ABCC6: variants seen among roughly 807,000 people sequenced by gnomAD.
ABCC6 encodes ATP-binding cassette sub-family C member 6.
In ABCC6, 126 loss-of-function variants were observed where a neutral mutation model predicts 169.5. The observed-to-expected ratio is 0.74, with a 90% confidence interval of 0.64 to 0.86. The LOEUF (loss-of-function observed/expected upper bound fraction) is 0.86, where lower values mean the gene tolerates loss of function less well. Among genes scored for constraint, ABCC6 ranks in the 40% least tolerant of loss-of-function variants. The pLI is 0.00. For synonymous variants in ABCC6, 752 were observed against 814.7 expected (o/e 0.92, Z 1.31); for missense variants, 1,733 against 1,927.2 (o/e 0.90, Z 1.89).
At chr16:16,170,037 G>A (rs2047008500) in intron 21 of ABCC6, among the ~76,000 whole-genome samples, 184 bp from the exon 22 acceptor site, 1 of 151,936 alleles carries the variant, frequency 6.6e-6, no homozygotes, top group South Asian at 2.1e-4. Flanking sequence ...GCCCCAGCCA[G>A]CCTTAGAACC....
At chr16:16,185,515 G>A (rs1342269464) in intron 14 of ABCC6, among the ~76,000 whole-genome samples, 1 of 152,156 alleles carries the variant, frequency 6.6e-6, no homozygotes, top group Non-Finnish European at 1.5e-5. Context: ...CCGGCACAGT[G>A]TCTCATGCCT....
At chr16:16,222,097 G>A (rs962170978) in intron 1 of ABCC6, among the ~76,000 whole-genome samples, 18 of 152,196 alleles carry the variant, frequency 1.2e-4, no homozygotes, top group Admixed American at 2.6e-4. Flanking sequence ...GAGTGGAAGG[G>A]CTGGGATTTG....
chr16:16,213,251 A>T (rs1045862591), intron 5 of ABCC6, among the ~76,000 whole-genome samples: 1 of 151,908 alleles, frequency 6.6e-6, no homozygotes, highest in Non-Finnish European at 1.5e-5. Flanking sequence ...GCACCACCAC[A>T]CTAGGCTATT....
chr16:16,156,726 TG>T (rs1174833581), intron 27 of ABCC6, among the ~76,000 whole-genome samples: 2 of 151,760 alleles, frequency 1.3e-5, no homozygotes, highest in Admixed American at 6.6e-5. Context: ...GGGGGGTGAT[TG>T]AGGTCAGAAG....
rs1467909377 is a variant in ABCC6 at position 16,171,965 on chromosome 16, T to C, written c.2787+1319A>G. ...TGGGATGGATAAATGAGTGGTTGGG[T>C]GGGTGGGATGGATAAATAAGTGGAT... On this transcript the variant is annotated intron_variant, in intron 21 of 30. Coordinates refer to ENST00000205557, the MANE Select transcript of ABCC6 (RefSeq NM_001171.6). 9.2e-3 allele frequency among the ~76,000 whole-genome samples: 372 copies of C among 40,378 alleles called. 13 individuals carry two copies. The highest frequency in any genetic ancestry group is 0.036 in the African/African-American group (354 of 9,826). 26.5% of individuals were successfully genotyped at this position (40,378 alleles called of 152,430 possible).
chr16:16,185,438 C>A (rs2047622194), intron 14 of ABCC6, among the ~76,000 whole-genome samples: 1 of 152,184 alleles, frequency 6.6e-6, no homozygotes, highest in South Asian at 2.1e-4. Context: ...TAGTGAATTT[C>A]TGAAATAAAT....
chr16:16,216,161 A>G (rs2048864761), intron 4 of ABCC6, among the ~76,000 whole-genome samples: 1 of 152,136 alleles, frequency 6.6e-6, no homozygotes, highest in South Asian at 2.1e-4. Context: ...ACCTCAGATG[A>G]TCCTCCTGCC....
At chr16:16,198,633 G>A (rs12934581) in intron 9 of ABCC6, among the ~76,000 whole-genome samples, 53,326 of 150,710 alleles carry the variant, frequency 0.35, 10,154 homozygotes, top group Admixed American at 0.43. Context: ...AGGATTGCTT[G>A]ATCCCAGGAG....
chr16:16,152,215 A>AAAAAAAAT (rs2046406534), intron 29 of ABCC6, among the ~76,000 whole-genome samples: 1 of 146,822 alleles, frequency 6.8e-6, no homozygotes, highest in African/African-American at 2.5e-5. Flanking sequence ...AAAAAAAAAA[A>AAAAAAAAT]GTGTGTAGGC....
At chr16:16,184,521 G>A (rs190867416) in intron 15 of ABCC6, among the ~76,000 whole-genome samples, 1 of 152,272 alleles carries the variant, frequency 6.6e-6, no homozygotes, top group East Asian at 1.9e-4. Context: ...GGGAGTTTCA[G>A]GGCTGTCTGA....
intron 20 of ABCC6, among the ~76,000 whole-genome samples, chr16:16,174,628 G>A (rs576384448): frequency 1.3e-5 from 2 of 151,756 alleles, no homozygotes; most frequent in South Asian, 4.2e-4. Context: ...CTGGTCACAT[G>A]TGCCTGTAGT....
intron 22 of ABCC6, 98 bp downstream of exon 22, chr16:16,169,548 G>C (rs2046989735): frequency 1.4e-6 from 2 of 1,404,792 alleles, no homozygotes; most frequent in African/African-American, 2.8e-5. Flanking sequence ...ACTGTTCCAG[G>C]GGGACAGGGT....
At chr16:16,181,921 A>G (rs2047488639) in intron 17 of ABCC6, 1 of 229,694 alleles carries the variant, frequency 4.4e-6, no homozygotes, top group African/African-American at 2.3e-5. Context: ...CAACAGAGCA[A>G]GACTCTGTCT....
chr16:16,165,008 A>G (rs920579245), intron 23 of ABCC6, among the ~76,000 whole-genome samples: 5 of 152,140 alleles, frequency 3.3e-5, no homozygotes, highest in Non-Finnish European at 7.3e-5. Context: ...CTAGCTTCAT[A>G]TAATAGCCTT....
intron 27 of ABCC6, among the ~76,000 whole-genome samples, chr16:16,157,361 A>C (rs1567468733): frequency 6.6e-6 from 1 of 152,156 alleles, no homozygotes; most frequent in East Asian, 1.9e-4. Flanking sequence ...AAACTGGAAA[A>C]TGTACCTGGA....
chr16:16,201,372 A>G (rs1033416004), intron 9 of ABCC6, among the ~76,000 whole-genome samples: 7 of 152,192 alleles, frequency 4.6e-5, no homozygotes, highest in African/African-American at 1.7e-4. Context: ...GTGGAAGTTA[A>G]AATCAGGCTC....
chr16:16,205,533 C>T (rs2048368484), intron 7 of ABCC6, among the ~76,000 whole-genome samples: 1 of 152,056 alleles, frequency 6.6e-6, no homozygotes, highest in African/African-American at 2.4e-5. Context: ...TTTGGTTTGG[C>T]ATCTATGGAG....
chr16:16,177,571 A>G lies in ABCC6; in HGVS notation c.2471T>C (p.Ile824Thr), dbSNP rs976737187. 8 of 1,614,214 alleles carry G rather than the reference A, an allele frequency of 5.0e-6. No individual in the cohort carries two copies. Among genetic ancestry groups the G allele is most frequent in the Non-Finnish European group, 6.8e-6 (8 of 1,180,040 alleles). Residue 824 changes from isoleucine (I) to threonine (T), a missense_variant, in exon 19 of 31, where the codon ATA becomes ACA. By Grantham distance (89) the Ile-to-Thr change is moderately conservative. Transcript: ENST00000205557. ...LHILPQADWI[I>T]VLANGAIAEM... Reference sequence around the variant, plus strand: ...TGCGATGGCCCCATTTGCCAGCACTATGATCCAATCAGCCTGGGGCAGGAT... The same window carrying G: ...TGCGATGGCCCCATTTGCCAGCACTGTGATCCAATCAGCCTGGGGCAGGAT...
intron 23 of ABCC6, among the ~76,000 whole-genome samples, chr16:16,163,517 G>A (rs1308359801): frequency 6.6e-6 from 1 of 152,146 alleles, no homozygotes; most frequent in Non-Finnish European, 1.5e-5. Context: ...GGGACAGCCA[G>A]GGTTGAGAAA....
Sources: allele counts gnomAD v4.1 joint callset (sites outside exome capture counted in the v4.1 genomes callset), GRCh38; gene constraint gnomAD v4.1.1; transcripts MANE v1.5; gene names NCBI Gene and HGNC (gene_info 2026-07-23, HGNC 2026-07-21).